NAB2: variants seen among roughly 807,000 people sequenced by gnomAD.
The protein encoded by NAB2 is NGFI-A-binding protein 2.
In NAB2, 9 loss-of-function variants were observed where a neutral mutation model predicts 44.2. The ratio of observed to expected loss-of-function variants is 0.20; its 90% CI spans 0.12 to 0.36. The LOEUF is 0.36. Among genes scored for constraint, NAB2 ranks in the 10% least tolerant of loss-of-function variants. The pLI is 1.00. For missense variants in NAB2, 514 were observed against 709.0 expected (o/e 0.73, Z 3.12); for synonymous variants, 342 against 291.0 (o/e 1.18, Z -1.78).
chr12:57,093,481 A>G lies in NAB2; in HGVS notation c.1351A>G (p.Ser451Gly). ...GGCATTGCCAGCCCATGGGCTATGG[A>G]GCCGACACATCCTGCAGCAGACACT... Reference protein sequence around the residue: ...PLALPAHGLWSRHILQQTLMD... With the variant: ...PLALPAHGLWGRHILQQTLMD... Residue 451 changes from serine (S) to glycine (G), a missense_variant, in exon 6 of 7, where the codon AGC becomes GGC. By Grantham distance (56) the Ser-to-Gly change is moderately conservative. This residue lies in a region of NAB2 where 194 missense variants were observed against 223.9 expected (regional missense o/e 0.87). Transcript: ENST00000300131. 6.3e-7 allele frequency: 1 copy of G among 1,597,718 alleles called. No homozygotes were observed. Among genetic ancestry groups the G allele is most frequent in the Non-Finnish European group, 8.5e-7 (1 of 1,173,170 alleles).
Position 57,093,433 on chromosome 12 carries a change from C to T in NAB2, c.1303C>T (p.Pro435Ser), listed in dbSNP as rs148773013. Residue 435 changes from proline to serine, a missense_variant, in exon 6 of 7, where the codon CCG becomes TCG. Physicochemically the swap from Pro to Ser is moderately conservative, Grantham distance 74. Around this residue, in one of 5 missense-constraint regions of NAB2, gnomAD observed 194 missense variants for 223.9 expected, o/e 0.87. Transcript: ENST00000300131. ...TGTGGGGTCATGTCCAAGGCTGACGCCGCCCCCTGCTGACCTGCCTCTGGC... is the reference window on the plus strand; with the variant it reads ...TGTGGGGTCATGTCCAAGGCTGACGTCGCCCCCTGCTGACCTGCCTCTGGC... ...QAVGSCPRLT[P>S]PPADLPLALP... 4 of 1,590,306 alleles carry T rather than the reference C, an allele frequency of 2.5e-6. No homozygotes were observed. In the African/African-American group the frequency reaches 5.4e-5, roughly 21 times the overall value.
chr12:57,089,656 C>T (rs1253710558), intron 1 of NAB2, among the ~76,000 whole-genome samples: 1 of 151,930 alleles, frequency 6.6e-6, no homozygotes, highest in African/African-American at 2.4e-5. Flanking sequence ...CAGGGGATGC[C>T]CTGGAGCTCG....
chr12:57,090,977 A>C (rs938005938), intron 1 of NAB2, 148 bp from the exon 2 acceptor site: 36 of 648,310 alleles, frequency 5.6e-5, no homozygotes, highest in Non-Finnish European at 8.5e-5. Context: ...GAGAGTCTGT[A>C]CTCAGACCTG....
chr12:57,092,209 T>A (rs1458182102), intron 2 of NAB2: 2 of 1,048,258 alleles, frequency 1.9e-6, no homozygotes, highest in Non-Finnish European at 2.7e-6. Context: ...AGCACCGAGC[T>A]GTTCAGCTCC....
At chr12:57,093,275 A>AG in intron 5 of NAB2, 80 bp downstream of exon 5, 2 of 1,486,184 alleles carry the variant, frequency 1.3e-6, no homozygotes, top group Non-Finnish European at 1.8e-6. Context: ...GTGAGCCAGG[A>AG]GGCAGTGCCT....
chr12:57,092,801 C>T (rs919204053), intron 3 of NAB2, 116 bp from the exon 4 acceptor site: 38 of 1,432,088 alleles, frequency 2.7e-5, no homozygotes, highest in Non-Finnish European at 3.3e-5. Flanking sequence ...GACTCTTTCT[C>T]GGCCAGCTTC....
chr12:57,092,104 C>G, intron 2 of NAB2, 106 bp downstream of exon 2: 1 of 1,463,686 alleles, frequency 6.8e-7, no homozygotes, highest in Non-Finnish European at 9.0e-7. Flanking sequence ...ATCTCTTGAC[C>G]AGGACCCCAG....
In NAB2 at chr12:57,089,320, G is replaced by C. The variant is rs983506370; in HGVS notation, c.49G>C (p.Asp17His). The C allele has an allele frequency of 6.3e-7, 1 of 1,577,630 alleles. No homozygotes were observed. The change falls in exon 1 of 7, where the codon GAC becomes CAC. Residue 17 changes from aspartate to histidine, a missense_variant. Asp to His is a moderately conservative substitution (Grantham distance 81, BLOSUM62 -1). Coordinates refer to ENST00000300131, the MANE Select transcript of NAB2 (RefSeq NM_005967.4). The part of the protein sequence containing the change: ...PTAEQPPGGG[D>H]SARRTLQPRL... ...AGCCGAGCAGCCGCCGGGCGGAGGG[G>C]ACAGCGCCCGCCGGACCCTGCAGCC...
intron 1 of NAB2, 112 bp downstream of exon 1, chr12:57,089,466 G>A: frequency 1.2e-6 from 1 of 801,708 alleles, no homozygotes; most frequent in Admixed American, 2.9e-5. Context: ...GGACGGGGGT[G>A]GGGGGTGGAG....
chr12:57,094,784 T>A lies in NAB2; in HGVS notation c.*63T>A, dbSNP rs186164467. The A allele has an allele frequency of 2.7e-4, 366 of 1,348,888 alleles. 4 individuals carry two copies. In the East Asian group the frequency reaches 9.0e-3, roughly 33 times the overall value. The allele number at this position is 1,348,888 out of a possible 1,614,324, so 83.6% of individuals were successfully genotyped here. A position where few individuals can be genotyped will look rare whatever the true frequency, so the allele number is the denominator to read the frequency against. On this transcript the variant is annotated 3_prime_UTR_variant, in exon 7 of 7. Coordinates refer to ENST00000300131, the MANE Select transcript of NAB2 (RefSeq NM_005967.4). Reference sequence around the variant, plus strand: ...TTCTGGCTCACACAGACCCCCACGCTCTCCATCCCCGGAATCTAGTCACAA... The same window carrying A: ...TTCTGGCTCACACAGACCCCCACGCACTCCATCCCCGGAATCTAGTCACAA...
In NAB2 at chr12:57,091,558, C is replaced by T. The variant is rs1457496849; in HGVS notation, c.517C>T (p.Leu173=). Residue 173 remains leucine, a synonymous_variant, in exon 2 of 7, where the codon CTG becomes TTG. Coordinates refer to ENST00000300131, the MANE Select transcript of NAB2 (RefSeq NM_005967.4). This position sits in a 1 kb window ranked among gnomAD's most constrained non-coding sequence, Gnocchi z 7.3. The part of the protein sequence containing the change: ...PLELGEKLSP[L]PGGPGAGDPR... ...TGAACTTGGAGAGAAGCTATCACCA[C>T]TGCCTGGGGGACCTGGGGCAGGGGA... 1.9e-6 allele frequency: 3 copies of T among 1,609,792 alleles called. No homozygotes were observed. The highest frequency in any genetic ancestry group is 2.5e-6 in the Non-Finnish European group (3 of 1,177,008).
rs774370192 is a variant in NAB2 at position 57,091,993 on chromosome 12, C to T, written c.952C>T (p.His318Tyr). 5 of 1,603,616 alleles carry T rather than the reference C, an allele frequency of 3.1e-6. No individual in the cohort carries two copies. The highest frequency in any genetic ancestry group is 3.4e-6 in the Non-Finnish European group (4 of 1,173,328). ...GCGGGAGGGCAAGCAGCTCAGCCTG[C>T]ACGAGGTGAGAACCCCCAGGCCTCC... is the stretch of plus-strand genomic sequence containing the variant. ...KRREGKQLSL[H>Y]ELTINEAAAQ... Residue 318 changes from histidine (H) to tyrosine (Y), a missense_variant, in exon 2 of 7, where the codon CAC (histidine) becomes TAC (tyrosine). His to Tyr is a moderately conservative substitution (Grantham distance 83). Coordinates refer to ENST00000300131, the MANE Select transcript of NAB2 (RefSeq NM_005967.4). The surrounding 1 kb of genome is among the most constrained non-coding windows in gnomAD (Gnocchi z 7.3).
chr12:57,094,645 C>A lies in NAB2; in HGVS notation c.1502C>A (p.Ala501Asp). Residue 501 changes from alanine to aspartate, a missense_variant, in exon 7 of 7, where the codon GCC becomes GAC. Ala to Asp is a moderately radical substitution (Grantham distance 126). Around this residue, in one of 5 missense-constraint regions of NAB2, gnomAD observed 194 missense variants for 223.9 expected, o/e 0.87. Transcript: ENST00000300131. ...GAAGGGCTGCTGGACAGATGTCCTG[C>A]CCCAGGACCCCATCCCGCGCTGGTG... is the stretch of plus-strand genomic sequence containing the variant. ...FEEGLLDRCP[A>D]PGPHPALVEG... The A allele has an allele frequency of 6.4e-7, 1 of 1,554,952 alleles. No homozygotes were observed. Among genetic ancestry groups the A allele is most frequent in the East Asian group, 2.4e-5 (1 of 41,428 alleles).
chr12:57,090,174 A>T (rs2033155101), intron 1 of NAB2, among the ~76,000 whole-genome samples: 1 of 151,724 alleles, frequency 6.6e-6, no homozygotes, highest in Admixed American at 6.6e-5. Flanking sequence ...GGGAGAGAGG[A>T]AGCGTGCGTT....
chr12:57,092,914 C>A lies in NAB2; in HGVS notation c.1092-3C>A. The stretch of plus-strand genomic sequence containing the variant: ...TCCACTTTATTCTTACCCATCTTTT[C>A]AGGCTTCACCCTGAAGAACTGGGAG... On this transcript the variant is annotated splice_region_variant and splice_polypyrimidine_tract_variant and intron_variant, in intron 3 of 6. Coordinates refer to ENST00000300131, the MANE Select transcript of NAB2 (RefSeq NM_005967.4). The A allele has an allele frequency of 6.2e-7, 1 of 1,614,214 alleles. No homozygotes were observed. The highest frequency in any genetic ancestry group is 1.1e-5 in the South Asian group (1 of 91,088).
chr12:57,090,567 T>C (rs1349088167), intron 1 of NAB2, among the ~76,000 whole-genome samples: 1 of 152,040 alleles, frequency 6.6e-6, no homozygotes, highest in Non-Finnish European at 1.5e-5. Flanking sequence ...GCTCACTGAG[T>C]GGGAAAGCCA....
Position 57,092,380 on chromosome 12 carries a change from G to A in NAB2, c.958-68G>A, listed in dbSNP as rs1453137641. 1.9e-6 allele frequency: 3 copies of A among 1,584,196 alleles called. No individual in the cohort carries two copies. In the South Asian group the frequency reaches 3.4e-5, roughly 18 times the overall value. ...CTCATTTGTCCAATGGTGAAGGGGT[G>A]TGAGGAGGTCTGGTGAGGCAGCGGG... is the stretch of plus-strand genomic sequence containing the variant. On this transcript the variant is annotated intron_variant, in intron 2 of 6. Coordinates refer to ENST00000300131, the MANE Select transcript of NAB2 (RefSeq NM_005967.4).
In NAB2 at chr12:57,091,866, A is replaced by G. The variant is rs1389885970; in HGVS notation, c.825A>G (p.Ala275=). ...TGCTAAAGCTGAATAAGAAGCTGGC[A>G]CGGAGCGTTGGGCACATCTTTGAGA... ...TSLLKLNKKL[A]RSVGHIFEMD... Residue 275 remains alanine, a synonymous_variant, in exon 2 of 7, where the codon GCA becomes GCG. Transcript: ENST00000300131. This position sits in a 1 kb window ranked among gnomAD's most constrained non-coding sequence, Gnocchi z 7.3. 1 of 1,614,206 alleles carries G rather than the reference A, an allele frequency of 6.2e-7. No individual in the cohort carries two copies. Among genetic ancestry groups the G allele is most frequent in the Admixed American group, 1.7e-5 (1 of 60,030 alleles).
intron 1 of NAB2, among the ~76,000 whole-genome samples, chr12:57,089,871 A>G (rs1269513002): frequency 3.9e-5 from 6 of 152,186 alleles, no homozygotes; most frequent in Admixed American, 3.9e-4. Context: ...TTCAGTGTGC[A>G]GCCCCTTCAT....
Sources: allele counts gnomAD v4.1 joint callset (sites outside exome capture counted in the v4.1 genomes callset), GRCh38; gene constraint gnomAD v4.1.1; regional missense constraint gnomAD v4.1.1; non-coding constraint Gnocchi (gnomAD v3.1); transcripts MANE v1.5; gene names NCBI Gene and HGNC (gene_info 2026-07-23, HGNC 2026-07-21).